FCRL4: variants seen among roughly 807,000 people sequenced by gnomAD.
The protein encoded by FCRL4 is Fc receptor like 4.
In FCRL4, 43 loss-of-function variants were observed where a neutral mutation model predicts 64.1. The observed-to-expected ratio is 0.67, with a 90% CI of 0.53 to 0.87. The LOEUF is 0.87. Among genes scored for constraint, FCRL4 ranks in the 40% least tolerant of loss-of-function variants. The probability of loss-of-function intolerance (pLI) is 0.00; values close to 1 mark genes in which losing one functional copy is unlikely to be tolerated. For missense variants in FCRL4, 656 were observed against 613.5 expected (o/e 1.07, Z -0.73); for synonymous variants, 253 against 239.8 (o/e 1.05, Z -0.51).
rs780309346 is a variant in FCRL4 at position 157,574,680 on chromosome 1, A to G, written c.*844T>C. The G allele has an allele frequency of 4.7e-6, 1 of 210,778 alleles. No individual in the cohort carries two copies. Among genetic ancestry groups the G allele is most frequent in the Non-Finnish European group, 9.6e-6 (1 of 103,948 alleles). The allele number at this position is 210,778 out of a possible 1,614,324, so 13.1% of individuals were successfully genotyped here. A position where few individuals can be genotyped will look rare whatever the true frequency, so the allele number is the denominator to read the frequency against. On this transcript the variant is annotated 3_prime_UTR_variant, in exon 12 of 12. Transcript: ENST00000271532. ...CTCTCTGCAAGGAGTGCTTATTGCT[A>G]AGGGGTTGGTAATTATTTCAGTGAA...
intron 6 of FCRL4, among the ~76,000 whole-genome samples, chr1:157,582,836 T>C (rs760448576): frequency 3.9e-5 from 6 of 152,062 alleles, no homozygotes; most frequent in Non-Finnish European, 5.9e-5. Context: ...AGGACAGAAA[T>C]CTAAGGACAG....
At position 157,574,859 on chromosome 1, in the gene FCRL4, C is replaced by G. The variant is rs191313938; in HGVS notation, c.*665G>C. Reference sequence around the variant, plus strand: ...TCTCTAATGTTGCAAATCTTTGTCACTAATGACATTAACATAATTATCATT... The same window carrying G: ...TCTCTAATGTTGCAAATCTTTGTCAGTAATGACATTAACATAATTATCATT... On this transcript the variant is annotated 3_prime_UTR_variant, in exon 12 of 12. Coordinates refer to ENST00000271532, the MANE Select transcript of FCRL4 (RefSeq NM_031282.3). 63 of 210,048 alleles carry G rather than the reference C, an allele frequency of 3.0e-4. No individual in the cohort carries two copies. Among genetic ancestry groups the G allele is most frequent in the African/African-American group, 1.4e-3 (61 of 44,170 alleles). 13.0% of individuals were successfully genotyped at this position (210,048 alleles called of 1,614,324 possible).
intron 8 of FCRL4, among the ~76,000 whole-genome samples, chr1:157,579,376 A>G (rs1450850163): frequency 2.7e-5 from 4 of 148,370 alleles, no homozygotes; most frequent in South Asian, 2.2e-4. Context: ...TCTCAAATAT[A>G]TACATAATGG....
At chr1:157,577,881 G>A (rs1339811478) in intron 10 of FCRL4, among the ~76,000 whole-genome samples, 1 of 152,246 alleles carries the variant, frequency 6.6e-6, no homozygotes, top group East Asian at 1.9e-4. Context: ...CCCCAGAAAT[G>A]CATTGCTTTA....
At chr1:157,583,348 A>G (rs561279296) in intron 6 of FCRL4, among the ~76,000 whole-genome samples, 17 of 152,244 alleles carry the variant, frequency 1.1e-4, no homozygotes, top group African/African-American at 3.9e-4. Context: ...CTGCTCCCAC[A>G]CAGCCCTACC....
At position 157,578,901 on chromosome 1, in the gene FCRL4, G is replaced by T. The variant is rs771435463; in HGVS notation, c.1278-49C>A. On this transcript the variant is annotated intron_variant, in intron 8 of 11. Coordinates refer to ENST00000271532, the MANE Select transcript of FCRL4 (RefSeq NM_031282.3). ...TAATCCCTGGAACACTGTAACATGC[G>T]GGAGAGTGAGATACCCAGGGAGAGC... 3 of 1,457,730 alleles carry T rather than the reference G, an allele frequency of 2.1e-6. No individual in the cohort carries two copies. In the South Asian group the frequency reaches 3.8e-5, roughly 18 times the overall value. The allele number at this position is 1,457,730 out of a possible 1,614,324, so 90.3% of individuals were successfully genotyped here.
At chr1:157,586,090 G>C in intron 6 of FCRL4, 78 bp downstream of exon 6, 2 of 1,384,082 alleles carry the variant, frequency 1.4e-6, no homozygotes, top group Non-Finnish European at 9.9e-7. Flanking sequence ...AGAGTCACAG[G>C]GTAATGTTAG....
intron 5 of FCRL4, among the ~76,000 whole-genome samples, chr1:157,586,852 C>A (rs986918191): frequency 2.6e-5 from 4 of 152,180 alleles, no homozygotes; most frequent in African/African-American, 9.7e-5. Flanking sequence ...ATCTATCTAT[C>A]TCTCCTTCTT....
chr1:157,577,921 G>T (rs1366796706), intron 10 of FCRL4, among the ~76,000 whole-genome samples: 1 of 152,040 alleles, frequency 6.6e-6, no homozygotes, highest in Non-Finnish European at 1.5e-5. Flanking sequence ...CTACTCTAAA[G>T]GTTGCTCGAG....
At chr1:157,597,854 C>A in intron 1 of FCRL4, 60 bp downstream of exon 1, 1 of 1,439,846 alleles carries the variant, frequency 6.9e-7, no homozygotes, top group Admixed American at 1.8e-5. Context: ...GAAAAGAGGG[C>A]TTTTGCTCAT....
chr1:157,587,767 TC>T, intron 4 of FCRL4, 97 bp downstream of exon 4: 2 of 1,283,012 alleles, frequency 1.6e-6, no homozygotes, highest in Non-Finnish European at 2.1e-6. Flanking sequence ...CTCTCATCTA[TC>T]CAGAGTTTCA....
intron 10 of FCRL4, among the ~76,000 whole-genome samples, 174 bp downstream of exon 10, chr1:157,578,300 G>C (rs1359542088): frequency 1.3e-5 from 2 of 152,066 alleles, no homozygotes; most frequent in African/African-American, 4.8e-5. Context: ...GTATTTCAGT[G>C]CCTATCTTCC....
At chr1:157,591,279 T>C (rs539341585) in intron 2 of FCRL4, among the ~76,000 whole-genome samples, 10 of 152,322 alleles carry the variant, frequency 6.6e-5, no homozygotes, top group South Asian at 2.1e-4. Context: ...TTTAGGTGGA[T>C]AGGGAAAAGT....
chr1:157,593,899 C>T (rs1183829951), intron 2 of FCRL4, among the ~76,000 whole-genome samples: 2 of 152,166 alleles, frequency 1.3e-5, no homozygotes, highest in African/African-American at 4.8e-5. Flanking sequence ...ACGTCCTTAC[C>T]AATATAATAC....
intron 10 of FCRL4, among the ~76,000 whole-genome samples, chr1:157,577,851 T>G (rs1652450034): frequency 6.6e-6 from 1 of 152,226 alleles, no homozygotes; most frequent in African/African-American, 2.4e-5. Flanking sequence ...TTGTAATTAA[T>G]GGACCATCTG....
At chr1:157,579,888 A>G (rs1297944927) in intron 8 of FCRL4, among the ~76,000 whole-genome samples, 1 of 152,238 alleles carries the variant, frequency 6.6e-6, no homozygotes, top group South Asian at 2.1e-4. Flanking sequence ...AGTTAAGCAC[A>G]TAACGTTTAA....
At chr1:157,584,345 G>T (rs1181098355) in intron 6 of FCRL4, among the ~76,000 whole-genome samples, 1 of 151,822 alleles carries the variant, frequency 6.6e-6, no homozygotes, top group East Asian at 1.9e-4. Context: ...ACTGGGCAAC[G>T]TAGTGAGAAC....
rs112127975 is a variant in FCRL4 at position 157,577,381 on chromosome 1, G to A, written c.1429+1093C>T. ...AGATCTCAATTTGTTAGTGGGTCTT[G>A]AAATGGGGTCTGAATAGGATTAAAG... On this transcript the variant is annotated intron_variant, in intron 10 of 11. Transcript: ENST00000271532. 6.3e-3 allele frequency among the ~76,000 whole-genome samples: 963 copies of A among 152,304 alleles called. 11 individuals are homozygous for A. The highest frequency in any genetic ancestry group is 0.022 in the African/African-American group (923 of 41,570).
chr1:157,584,045 C>G (rs1310753086), intron 6 of FCRL4, among the ~76,000 whole-genome samples: 1 of 152,104 alleles, frequency 6.6e-6, no homozygotes, highest in Non-Finnish European at 1.5e-5. Flanking sequence ...AGAAGCTGAT[C>G]CATTCTGATG....
Sources: gnomAD v4.1 joint callset for allele counts (sites outside exome capture counted in the v4.1 genomes callset) on GRCh38, gnomAD v4.1.1 for gene constraint, MANE v1.5 for transcripts, NCBI Gene and HGNC (gene_info 2026-07-23, HGNC 2026-07-21) for gene names.